Variants in PTP4A1 observed in about 807,000 individuals in gnomAD.
PTP4A1 encodes the protein protein tyrosine phosphatase 4A1, also known as protein tyrosine phosphatase type IVA 1.
PTP4A1 carries 9 observed loss-of-function variants against 20.5 expected under a neutral mutation model. The ratio of observed to expected loss-of-function variants is 0.44; its 90% CI spans 0.26 to 0.77. The LOEUF (loss-of-function observed/expected upper bound fraction) is 0.77, where lower values mean the gene tolerates loss of function less well. Ranked by LOEUF, PTP4A1 falls within the 30% of genes least tolerant of loss-of-function variation. The pLI is 0.19. For missense variants in PTP4A1, 137 were observed against 218.8 expected, an observed-to-expected ratio of 0.63 and a Z score of 2.36; for synonymous variants, 78 against 67.4, an observed-to-expected ratio of 1.16 and a Z score of -0.77.
intron 2 of PTP4A1, among the ~76,000 whole-genome samples, chr6:63,577,845 T>C (rs549915274): frequency 6.7e-6 from 1 of 149,608 alleles, no homozygotes; most frequent in Non-Finnish European, 1.5e-5. Flanking sequence ...TTTATTACTA[T>C]ATATTATATA....
intron 4 of PTP4A1, 105 bp downstream of exon 4, chr6:63,579,133 C>A: frequency 7.2e-7 from 1 of 1,380,260 alleles, no homozygotes; most frequent in South Asian, 1.5e-5. Context: ...CAACATTTGT[C>A]ATAGGTATTA....
chr6:63,556,686 T>C (rs1776701438), intron 3 of PTP4A1, among the ~76,000 whole-genome samples: 1 of 152,252 alleles, frequency 6.6e-6, no homozygotes, highest in Non-Finnish European at 1.5e-5. Context: ...CTGTACTACA[T>C]CAATAATTTA....
At chr6:63,558,661 A>G (rs1276266389) in intron 3 of PTP4A1, among the ~76,000 whole-genome samples, 1 of 152,262 alleles carries the variant, frequency 6.6e-6, no homozygotes, top group African/African-American at 2.4e-5. Flanking sequence ...TACTGGAAGC[A>G]CATCTTAGGG....
At chr6:63,538,764 C>G (rs1775827900) in intron 2 of PTP4A1, among the ~76,000 whole-genome samples, 1 of 152,160 alleles carries the variant, frequency 6.6e-6, no homozygotes, top group South Asian at 2.1e-4. Flanking sequence ...CTGATGGGCC[C>G]CACCTCCAGA....
At chr6:63,577,772 G>A (rs541572312) in intron 2 of PTP4A1, among the ~76,000 whole-genome samples, 7 of 151,832 alleles carry the variant, frequency 4.6e-5, no homozygotes, top group East Asian at 1.9e-4. Context: ...GGCTGGTCTC[G>A]AACTCCTGAC....
At chr6:63,527,081 T>C (rs1009782589) in intron 1 of PTP4A1, among the ~76,000 whole-genome samples, 11 of 152,226 alleles carry the variant, frequency 7.2e-5, no homozygotes, top group Admixed American at 7.2e-4. Flanking sequence ...TTCTTTTATC[T>C]GAGAGTCCTT....
At chr6:63,528,225 C>T (rs1350658509) in intron 2 of PTP4A1, 2 of 152,184 alleles carry the variant, frequency 1.3e-5, no homozygotes, top group Non-Finnish European at 2.9e-5. Context: ...ATTTCAAACA[C>T]ACTAGTAACA....
upstream of PTP4A1, among the ~76,000 whole-genome samples, chr6:63,519,855 T>C (rs530618264): frequency 7.9e-5 from 12 of 152,340 alleles, no homozygotes; most frequent in Admixed American, 2.0e-4. Flanking sequence ...AATTTATCAA[T>C]AAAAACCATT....
chr6:63,535,461 C>T (rs1775676582), intron 2 of PTP4A1, among the ~76,000 whole-genome samples: 1 of 151,964 alleles, frequency 6.6e-6, no homozygotes, highest in South Asian at 2.1e-4. Context: ...GAGCGAGACT[C>T]TGTCTTAAAA....
intron 1 of PTP4A1, among the ~76,000 whole-genome samples, chr6:63,574,434 G>A (rs577405913): frequency 1.3e-5 from 2 of 152,118 alleles, no homozygotes; most frequent in South Asian, 4.1e-4. Flanking sequence ...GAGTGTCTTG[G>A]GCGGAACAGA....
At position 63,549,071 on chromosome 6, in the gene PTP4A1, C is replaced by T. The variant is rs750143751; in HGVS notation, c.-639-1229C>T. The T allele has an allele frequency of 2.1e-5, 15 of 716,238 alleles. No individual in the cohort carries two copies. In the Admixed American group the frequency reaches 2.9e-4, roughly 14 times the overall value. 44.4% of individuals were successfully genotyped at this position (716,238 alleles called of 1,614,324 possible). A position where few individuals can be genotyped will look rare whatever the true frequency, so the allele number is the denominator to read the frequency against. Reference sequence around the variant, plus strand: ...CCGGCTGAGCTTTCTTATTCTCTAGCAAGGTGGTGATGGTGTTAACTCCTG... The same window carrying T: ...CCGGCTGAGCTTTCTTATTCTCTAGTAAGGTGGTGATGGTGTTAACTCCTG... On this transcript the variant is annotated intron_variant, in intron 2 of 3. Transcript: ENST00000639568.
chr6:63,579,358 G>A (rs376349180), intron 5 of PTP4A1, 27 bp downstream of exon 5: 46 of 1,520,786 alleles, frequency 3.0e-5, no homozygotes, highest in Non-Finnish European at 4.1e-5. Context: ...CTTTTCATTT[G>A]TACTCTCTTT....
At chr6:63,574,845 T>G (rs976561851) in intron 1 of PTP4A1, among the ~76,000 whole-genome samples, 1 of 152,224 alleles carries the variant, frequency 6.6e-6, no homozygotes, top group African/African-American at 2.4e-5. Flanking sequence ...TATTTTCAGA[T>G]TACTACAATC....
At chr6:63,556,232 T>C (rs1776681560) in intron 3 of PTP4A1, among the ~76,000 whole-genome samples, 1 of 152,034 alleles carries the variant, frequency 6.6e-6, no homozygotes, top group African/African-American at 2.4e-5. Context: ...CAATCACAGC[T>C]CACTGCAGCT....
intron 2 of PTP4A1, among the ~76,000 whole-genome samples, chr6:63,539,098 G>T (rs1775841669): frequency 6.6e-6 from 1 of 151,890 alleles, no homozygotes; most frequent in African/African-American, 2.4e-5. Context: ...TCACCATGTT[G>T]GCCCATGCTG....
At chr6:63,548,685 A>G in intron 2 of PTP4A1, 1 of 519,460 alleles carries the variant, frequency 1.9e-6, no homozygotes, top group African/African-American at 1.9e-5. Flanking sequence ...ATTTTTATGT[A>G]CAGAAAACTC....
At chr6:63,529,084 C>T (rs1217153155) in intron 2 of PTP4A1, among the ~76,000 whole-genome samples, 6 of 139,554 alleles carry the variant, frequency 4.3e-5, no homozygotes, top group South Asian at 2.2e-4. Flanking sequence ...AGCGAAACTC[C>T]ATCTCAAAAT....
At chr6:63,579,385 G>T in intron 5 of PTP4A1, 54 bp downstream of exon 5, 1 of 1,393,562 alleles carries the variant, frequency 7.2e-7, no homozygotes, top group South Asian at 1.3e-5. Context: ...CTTGTTGAGT[G>T]TCAGTGAGTT....
At chr6:63,517,265 A>T (rs1397013720), upstream of PTP4A1, among the ~76,000 whole-genome samples, 1 of 152,154 alleles carries the variant, frequency 6.6e-6, no homozygotes, top group Admixed American at 6.6e-5. Flanking sequence ...GTGCCTATCA[A>T]AGAATAGAGT....
Sources: allele counts gnomAD v4.1 joint callset (sites outside exome capture counted in the v4.1 genomes callset), GRCh38; gene constraint gnomAD v4.1.1; transcripts MANE v1.5; gene names NCBI Gene and HGNC (gene_info 2026-07-23, HGNC 2026-07-21).